The following LPIN1 variants were observed in gnomAD, a reference collection of about 807,000 sequenced individuals.
LPIN1 encodes phosphatidate phosphatase LPIN1.
Under a neutral mutation model 107.5 loss-of-function variants are expected in LPIN1, and 71 were observed. The observed-to-expected ratio is 0.66, with a 90% CI of 0.55 to 0.80. The LOEUF is 0.80. Among genes scored for constraint, LPIN1 ranks in the 30% least tolerant of loss-of-function variants. LPIN1 has a pLI of 0.00. For missense variants in LPIN1, 1,043 were observed against 1,160.6 expected (o/e 0.90, Z 1.47); for synonymous variants, 445 against 452.6 (o/e 0.98, Z 0.21).
intron 1 of LPIN1, among the ~76,000 whole-genome samples, chr2:11,691,098 T>TTC (rs1553397775): frequency 2.0e-5 from 3 of 151,484 alleles, no homozygotes; most frequent in Non-Finnish European, 2.9e-5. Flanking sequence ...TTTTTTTTTT[T>TTC]TCTCTCTCCT....
chr2:11,704,713 T>G (rs3923671), intron 1 of LPIN1, among the ~76,000 whole-genome samples: 1 of 151,976 alleles, frequency 6.6e-6, no homozygotes, highest in Non-Finnish European at 1.5e-5. Context: ...AGGGGGTAAA[T>G]GTCTCACAGT....
chr2:11,741,557 G>A (rs1036506392), intron 2 of LPIN1: 6 of 696,158 alleles, frequency 8.6e-6, no homozygotes, highest in Non-Finnish European at 1.2e-5. Flanking sequence ...TCGAGCTCAG[G>A]AGTTTGAGAC....
chr2:11,788,184 GC>G (rs1345770449), intron 11 of LPIN1, among the ~76,000 whole-genome samples: 1 of 152,076 alleles, frequency 6.6e-6, no homozygotes, highest in Non-Finnish European at 1.5e-5. Flanking sequence ...CTGCTGCTGG[GC>G]CCTCAACTGG....
At chr2:11,823,926 C>T (rs1362834930) in intron 20 of LPIN1, among the ~76,000 whole-genome samples, 1 of 152,128 alleles carries the variant, frequency 6.6e-6, no homozygotes, top group Non-Finnish European at 1.5e-5. Context: ...TTACAGCAAG[C>T]AGGAGAGCCC....
intron 2 of LPIN1, among the ~76,000 whole-genome samples, chr2:11,715,673 C>T (rs969058951): frequency 6.6e-6 from 1 of 152,058 alleles, no homozygotes; most frequent in African/African-American, 2.4e-5. Context: ...GAAGCAATTT[C>T]AGAAAAATGC....
At chr2:11,732,553 G>A (rs1361192215) in intron 1 of LPIN1, among the ~76,000 whole-genome samples, 1 of 152,150 alleles carries the variant, frequency 6.6e-6, no homozygotes, top group Non-Finnish European at 1.5e-5. Flanking sequence ...GGATCAAAAT[G>A]GTTAGATAAT....
In LPIN1 at chr2:11,776,110, T is replaced by C; in HGVS notation, c.747T>C (p.Thr249=). The change falls in exon 6 of 21, where the codon ACT becomes ACC. Residue 249 remains threonine (T), a synonymous_variant. Coordinates refer to ENST00000674199, the MANE Select transcript of LPIN1 (RefSeq NM_001349206.2). Reference sequence around the variant, plus strand: ...GTAGCCTGGTAGATTGCAAAAGGACTGCCCCTCATCTTGCAGTTGCGGCCG... The same window carrying C: ...GTAGCCTGGTAGATTGCAAAAGGACCGCCCCTCATCTTGCAGTTGCGGCCG... ...TPSSLVDCKR[T]APHLAVAAEG... 2 of 1,548,368 alleles carry C rather than the reference T, an allele frequency of 1.3e-6. No individual in the cohort carries two copies. The highest frequency in any genetic ancestry group is 1.7e-6 in the Non-Finnish European group (2 of 1,145,492).
intron 1 of LPIN1, among the ~76,000 whole-genome samples, chr2:11,687,955 G>A (rs1170041541): frequency 6.6e-6 from 1 of 152,204 alleles, no homozygotes; most frequent in African/African-American, 2.4e-5. Context: ...CACGCCCTCC[G>A]GGCTCTGGGA....
Position 11,771,447 on chromosome 2 carries a change from A to G in LPIN1, c.364A>G (p.Arg122Gly). ...TTCGAGAATGGAATGCCAGCTGAAAAGGGGCTCTGTGGACAGGATGAGAGG... is the reference window on the plus strand; with the variant it reads ...TTCGAGAATGGAATGCCAGCTGAAAGGGGGCTCTGTGGACAGGATGAGAGG... ...GASRMECQLK[R>G]GSVDRMRGLD... is the part of the protein sequence containing the mutation. Residue 122 changes from arginine to glycine, a missense_variant, in exon 4 of 21, where the codon AGG becomes GGG. Arg to Gly is a moderately radical substitution (Grantham distance 125). Transcript: ENST00000674199. This position sits in a 1 kb window ranked among gnomAD's most constrained non-coding sequence, Gnocchi z 4.8. 5.0e-6 allele frequency: 8 copies of G among 1,614,248 alleles called. No individual in the cohort carries two copies. Among genetic ancestry groups the G allele is most frequent in the South Asian group, 2.2e-5 (2 of 91,084 alleles).
chr2:11,807,305 C>T (rs1015804118), intron 17 of LPIN1, among the ~76,000 whole-genome samples: 6 of 152,186 alleles, frequency 3.9e-5, no homozygotes, highest in Non-Finnish European at 7.3e-5. Context: ...AGCCTCACCA[C>T]GGGCTGACCT....
intron 5 of LPIN1, 77 bp from the exon 6 acceptor site, chr2:11,776,009 C>A: frequency 1.7e-6 from 1 of 602,578 alleles, no homozygotes; most frequent in Non-Finnish European, 3.0e-6. Context: ...ATTACATATA[C>A]TTTATATAAT....
intron 1 of LPIN1, among the ~76,000 whole-genome samples, chr2:11,684,563 C>G (rs891716897): frequency 6.6e-6 from 1 of 152,114 alleles, no homozygotes; most frequent in Non-Finnish European, 1.5e-5. Flanking sequence ...TTCACTGACC[C>G]GTGGTGAACA....
chr2:11,797,637 C>G (rs1262371157), intron 14 of LPIN1, among the ~76,000 whole-genome samples: 1 of 152,108 alleles, frequency 6.6e-6, no homozygotes, highest in Non-Finnish European at 1.5e-5. Flanking sequence ...TTCGTTTTGG[C>G]CAATTTGTCC....
At chr2:11,733,673 G>T (rs1320521909) in intron 1 of LPIN1, among the ~76,000 whole-genome samples, 1 of 152,056 alleles carries the variant, frequency 6.6e-6, no homozygotes. Flanking sequence ...TGTATTTTTA[G>T]TAGAGACAGG....
At chr2:11,799,990 C>A (rs958281760) in intron 14 of LPIN1, among the ~76,000 whole-genome samples, 3 of 152,206 alleles carry the variant, frequency 2.0e-5, no homozygotes, top group Non-Finnish European at 4.4e-5. Flanking sequence ...ACAGACCAAC[C>A]ACAGTTCTAG....
intron 1 of LPIN1, among the ~76,000 whole-genome samples, chr2:11,680,827 C>T (rs1469725064): frequency 6.6e-6 from 1 of 152,130 alleles, no homozygotes; most frequent in African/African-American, 2.4e-5. Flanking sequence ...CAGGCAGTCA[C>T]GGGCCGAATA....
At chr2:11,726,526 C>T (rs1222357286) in intron 1 of LPIN1, among the ~76,000 whole-genome samples, 1 of 152,054 alleles carries the variant, frequency 6.6e-6, no homozygotes, top group Non-Finnish European at 1.5e-5. Context: ...CAAAGCTCCT[C>T]CAGGTCTGGA....
chr2:11,785,114 C>T (rs781123554), intron 10 of LPIN1, 38 bp downstream of exon 10: 19 of 1,488,780 alleles, frequency 1.3e-5, no homozygotes, highest in East Asian at 4.6e-5. Context: ...CTGGTGGCCG[C>T]CGGTCAGAAG....
intron 1 of LPIN1, among the ~76,000 whole-genome samples, chr2:11,733,739 G>A (rs1281905393): frequency 5.3e-5 from 8 of 152,134 alleles, no homozygotes; most frequent in Admixed American, 2.6e-4. Flanking sequence ...CAATCTTCCC[G>A]CCTCGGCCTC....
Sources: allele counts gnomAD v4.1 joint callset (sites outside exome capture counted in the v4.1 genomes callset), GRCh38; gene constraint gnomAD v4.1.1; non-coding constraint Gnocchi (gnomAD v3.1); transcripts MANE v1.5; gene names NCBI Gene and HGNC (gene_info 2026-07-23, HGNC 2026-07-21).